Variants in AUTS2 observed in about 807,000 individuals in gnomAD.
The protein encoded by AUTS2 is activator of transcription and developmental regulator AUTS2.
A neutral mutation model predicts 112.4 loss-of-function variants in AUTS2; 17 were observed. The observed-to-expected ratio is 0.15, with a 90% CI of 0.10 to 0.23. AUTS2 has a LOEUF of 0.23. Ranked by LOEUF, AUTS2 falls within the 10% of genes least tolerant of loss-of-function variation. The pLI is 1.00. For synonymous variants in AUTS2, 751 were observed against 702.7 expected (o/e 1.07, Z -1.09); for missense variants, 1,510 against 1,701.6 (o/e 0.89, Z 1.98).
chr7:70,054,262 C>T (rs947348579), intron 2 of AUTS2, among the ~76,000 whole-genome samples: 2 of 152,160 alleles, frequency 1.3e-5, no homozygotes, highest in Non-Finnish European at 2.9e-5. Flanking sequence ...CTTAAGTTGG[C>T]ACCTTTAATT....
At chr7:70,644,444 G>A (rs758285453) in intron 5 of AUTS2, among the ~76,000 whole-genome samples, 45 of 152,114 alleles carry the variant, frequency 3.0e-4, no homozygotes, top group Middle Eastern at 6.8e-3. Flanking sequence ...CACTTCCCTC[G>A]CGGGGTCAAC....
chr7:69,927,905 C>T (rs1419865902), intron 2 of AUTS2, among the ~76,000 whole-genome samples: 1 of 152,226 alleles, frequency 6.6e-6, no homozygotes, highest in African/African-American at 2.4e-5. Flanking sequence ...TATTACCGGG[C>T]TACCTGAAGG....
At chr7:69,814,219 A>G (rs887388326) in intron 1 of AUTS2, among the ~76,000 whole-genome samples, 2 of 152,240 alleles carry the variant, frequency 1.3e-5, no homozygotes, top group African/African-American at 4.8e-5. Flanking sequence ...CTTACCTTGT[A>G]AATAGTATAC....
At chr7:70,373,879 C>T (rs1792961158) in intron 4 of AUTS2, among the ~76,000 whole-genome samples, 1 of 151,890 alleles carries the variant, frequency 6.6e-6, no homozygotes, top group African/African-American at 2.4e-5. Flanking sequence ...ATCGTATATA[C>T]TGTTTAGAAG....
chr7:70,638,113 C>G (rs1404844841), intron 5 of AUTS2, among the ~76,000 whole-genome samples: 4 of 152,150 alleles, frequency 2.6e-5, no homozygotes, highest in African/African-American at 9.7e-5. Flanking sequence ...TTGGGGAGAA[C>G]TTCTAGAGAG....
At chr7:70,426,701 C>T (rs1795453081) in intron 4 of AUTS2, among the ~76,000 whole-genome samples, 1 of 152,084 alleles carries the variant, frequency 6.6e-6, no homozygotes, top group Admixed American at 6.6e-5. Context: ...ACTTTTGCAT[C>T]GGGTAATGCG....
chr7:69,729,477 C>T (rs1786685384), intron 1 of AUTS2, among the ~76,000 whole-genome samples: 1 of 130,216 alleles, frequency 7.7e-6, no homozygotes, highest in Non-Finnish European at 1.6e-5. Flanking sequence ...GTGAACATCA[C>T]TTTTTGGTGG....
chr7:70,742,250 A>G (rs1788158538), intron 6 of AUTS2, among the ~76,000 whole-genome samples: 1 of 152,202 alleles, frequency 6.6e-6, no homozygotes, highest in African/African-American at 2.4e-5. Context: ...GTACATGTTA[A>G]AGAGACATAC....
At chr7:69,901,943 T>A (rs1406804260) in intron 2 of AUTS2, among the ~76,000 whole-genome samples, 2 of 152,220 alleles carry the variant, frequency 1.3e-5, no homozygotes, top group Non-Finnish European at 2.9e-5. Context: ...CATAGTTTTT[T>A]AAATTTATGA....
At chr7:70,618,060 G>A (rs1380321917) in intron 5 of AUTS2, among the ~76,000 whole-genome samples, 1 of 152,186 alleles carries the variant, frequency 6.6e-6, no homozygotes. Context: ...ACCTTCGAAG[G>A]AAACTCTGAG....
At chr7:69,953,147 T>G (rs775391943) in intron 2 of AUTS2, among the ~76,000 whole-genome samples, 1 of 152,200 alleles carries the variant, frequency 6.6e-6, no homozygotes, top group Non-Finnish European at 1.5e-5. Flanking sequence ...TTAAGAGATC[T>G]TGTCCTAAAA....
intron 4 of AUTS2, among the ~76,000 whole-genome samples, chr7:70,206,654 A>G (rs948470187): frequency 6.6e-6 from 1 of 152,186 alleles, no homozygotes; most frequent in Non-Finnish European, 1.5e-5. Flanking sequence ...TACAACTGCC[A>G]TGTATTGGCA....
At chr7:70,696,694 C>T (rs1447878271) in intron 5 of AUTS2, among the ~76,000 whole-genome samples, 1 of 152,086 alleles carries the variant, frequency 6.6e-6, no homozygotes, top group African/African-American at 2.4e-5. Flanking sequence ...CACACACACA[C>T]ACTAAGTGCA....
intron 4 of AUTS2, among the ~76,000 whole-genome samples, chr7:70,138,460 T>TA (rs1806685321): frequency 6.6e-6 from 1 of 152,228 alleles, no homozygotes; most frequent in Non-Finnish European, 1.5e-5. Flanking sequence ...AGTACAGCCT[T>TA]ACTTTTTTCC....
chr7:70,776,968 CT>C (rs763402146), intron 13 of AUTS2, 134 bp from the exon 14 acceptor site: 4 of 775,688 alleles, frequency 5.2e-6, no homozygotes, highest in Non-Finnish European at 9.0e-6. Context: ...ATGGAAGGCA[CT>C]TGGAGAGTAC....
intron 2 of AUTS2, among the ~76,000 whole-genome samples, chr7:70,006,691 A>G (rs1467816446): frequency 6.6e-6 from 1 of 152,086 alleles, no homozygotes; most frequent in Admixed American, 6.6e-5. Flanking sequence ...TGGTACCTTT[A>G]TACAATGATC....
chr7:70,489,480 C>G (rs868421374), intron 5 of AUTS2, among the ~76,000 whole-genome samples: 1 of 152,144 alleles, frequency 6.6e-6, no homozygotes, highest in Non-Finnish European at 1.5e-5. Context: ...GTAAACCCCC[C>G]CAGAATGTGT....
intron 4 of AUTS2, among the ~76,000 whole-genome samples, chr7:70,236,345 C>G (rs369842269): frequency 6.6e-6 from 1 of 152,094 alleles, no homozygotes; most frequent in Non-Finnish European, 1.5e-5. Context: ...ATTTGTGATT[C>G]TTCTAGTGTG....
intron 5 of AUTS2, among the ~76,000 whole-genome samples, chr7:70,513,345 C>T (rs1009939993): frequency 1.3e-5 from 2 of 152,200 alleles, no homozygotes; most frequent in African/African-American, 4.8e-5. Context: ...ATGGAGAGCA[C>T]AGCACCAGAA....
Sources: allele counts gnomAD v4.1 joint callset (sites outside exome capture counted in the v4.1 genomes callset), GRCh38; gene constraint gnomAD v4.1.1; transcripts MANE v1.5; gene names NCBI Gene and HGNC (gene_info 2026-07-23, HGNC 2026-07-21).